RIC1: variants seen among roughly 807,000 people sequenced by gnomAD.
The protein encoded by RIC1 is RIC1 partner of RAB6A GEF complex.
In RIC1, 88 loss-of-function variants were observed where a neutral mutation model predicts 169.0. The observed-to-expected ratio is 0.52, with a 90% confidence interval of 0.44 to 0.62. The LOEUF is 0.62. RIC1 is among the 20% of genes least tolerant of loss of function. The probability of loss-of-function intolerance (pLI) is 0.00; values close to 1 mark genes in which losing one functional copy is unlikely to be tolerated. For synonymous variants in RIC1, 790 were observed against 601.5 expected (o/e 1.31, Z -4.59); for missense variants, 1,877 against 1,725.5 (o/e 1.09, Z -1.56).
chr9:5,723,665 T>C (rs1823760469), intron 6 of RIC1, among the ~76,000 whole-genome samples: 1 of 152,208 alleles, frequency 6.6e-6, no homozygotes, highest in African/African-American at 2.4e-5. Flanking sequence ...TTGTCTAGGT[T>C]TTCTTCTAGG....
chr9:5,723,078 G>A (rs1419954059), intron 6 of RIC1, among the ~76,000 whole-genome samples: 1 of 152,190 alleles, frequency 6.6e-6, no homozygotes, highest in Non-Finnish European at 1.5e-5. Flanking sequence ...ACCCAGTAAT[G>A]GGATGGCTGG....
intron 2 of RIC1, among the ~76,000 whole-genome samples, chr9:5,661,433 C>T (rs1231842402): frequency 6.6e-6 from 1 of 152,114 alleles, no homozygotes; most frequent in Non-Finnish European, 1.5e-5. Flanking sequence ...GTAGTATAAC[C>T]ATTTTCACAA....
intron 3 of RIC1, among the ~76,000 whole-genome samples, chr9:5,708,460 T>A (rs1193868322): frequency 2.0e-5 from 3 of 152,194 alleles, no homozygotes; most frequent in Admixed American, 6.5e-5. Context: ...GTAGTTCAGG[T>A]CTACTTGTGA....
chr9:5,650,591 G>A (rs917573008), intron 1 of RIC1, among the ~76,000 whole-genome samples: 6 of 152,026 alleles, frequency 3.9e-5, no homozygotes, highest in African/African-American at 1.4e-4. Flanking sequence ...GCTCCAAGCA[G>A]TGTCAGGAAC....
In RIC1 at chr9:5,753,629, T is replaced by C. The variant is rs780334068; in HGVS notation, c.1585T>C (p.Phe529Leu). 1.9e-6 allele frequency: 3 copies of C among 1,587,166 alleles called. No individual in the cohort carries two copies. The highest frequency in any genetic ancestry group is 2.2e-5 in the East Asian group (1 of 44,610). The change falls in exon 14 of 26, where the codon TTT becomes CTT. Residue 529 changes from phenylalanine (F) to leucine (L), a missense_variant. By Grantham distance (22) the Phe-to-Leu change is conservative. Transcript: ENST00000414202. ...YSLLTKKWKL[F>L]GNITQEQNMI... ...TTTACTCACCAAAAAATGGAAACTT[T>C]TTGGAAACATTACCCAGGTTAGTCT...
chr9:5,736,841 C>T (rs1420045078), intron 7 of RIC1, among the ~76,000 whole-genome samples: 1 of 152,038 alleles, frequency 6.6e-6, no homozygotes, highest in African/African-American at 2.4e-5. Context: ...AACAGAGTAT[C>T]AGTAAGCTGT....
At chr9:5,745,833 A>G (rs1825343692) in intron 10 of RIC1, 98 bp from the exon 11 acceptor site, 16 of 990,842 alleles carry the variant, frequency 1.6e-5, no homozygotes, top group South Asian at 1.3e-4. Context: ...TAATAATGCT[A>G]TCATTGGCTA....
In RIC1 at chr9:5,763,130, CCTT is replaced by C; in HGVS notation, c.2113-7_2113-5del. On this transcript the variant is annotated splice_region_variant and splice_polypyrimidine_tract_variant and intron_variant, in intron 18 of 25. Coordinates refer to ENST00000414202, the MANE Select transcript of RIC1 (RefSeq NM_020829.4). The surrounding 1 kb of genome is among the most constrained non-coding windows in gnomAD (Gnocchi z 5.2). ...GGAAAACAACTTGATTCTTGTCTCT[CCTT>C]CTCCAGCTGCCATTCTGTCCTCCTG... 4 of 1,610,242 alleles carry C rather than the reference CCTT, an allele frequency of 2.5e-6. No homozygotes were observed. The highest frequency in any genetic ancestry group is 2.2e-5 in the East Asian group (1 of 44,774).
intron 21 of RIC1, among the ~76,000 whole-genome samples, chr9:5,768,178 A>C (rs972164886): frequency 1.3e-5 from 2 of 152,166 alleles, no homozygotes; most frequent in Non-Finnish European, 2.9e-5. Flanking sequence ...CCCCCACATT[A>C]GCTCATGTAA....
chr9:5,667,571 C>G (rs1819851381), intron 2 of RIC1, among the ~76,000 whole-genome samples: 1 of 147,120 alleles, frequency 6.8e-6, no homozygotes, highest in Non-Finnish European at 1.5e-5. Context: ...GTGGCATGAT[C>G]ATAGCTCACT....
chr9:5,684,362 C>A (rs961155002), intron 2 of RIC1, among the ~76,000 whole-genome samples: 1 of 135,028 alleles, frequency 7.4e-6, no homozygotes, highest in East Asian at 2.3e-4. Flanking sequence ...TACATTGAAT[C>A]TTTGGATCCA....
chr9:5,751,266 A>G (rs776396181), intron 12 of RIC1, among the ~76,000 whole-genome samples: 2 of 151,688 alleles, frequency 1.3e-5, no homozygotes, highest in Non-Finnish European at 2.9e-5. Flanking sequence ...AAAAAGTTGA[A>G]AATGCTTTCA....
chr9:5,660,517 G>C (rs1819389822), intron 2 of RIC1, among the ~76,000 whole-genome samples: 1 of 152,100 alleles, frequency 6.6e-6, no homozygotes, highest in African/African-American at 2.4e-5. Context: ...AGCACCTGTT[G>C]TTTTTTGACT....
At chr9:5,760,851 C>G (rs906210808) in intron 17 of RIC1, among the ~76,000 whole-genome samples, 7 of 152,084 alleles carry the variant, frequency 4.6e-5, no homozygotes, top group Admixed American at 1.3e-4. Context: ...TTGATGAACC[C>G]TAAATGATCA....
chr9:5,637,173 C>G (rs1304479144), intron 1 of RIC1, among the ~76,000 whole-genome samples: 1 of 152,182 alleles, frequency 6.6e-6, no homozygotes, highest in Non-Finnish European at 1.5e-5. Context: ...AGCTGTCCTG[C>G]TTCAGCCTCC....
chr9:5,710,532 C>G (rs867634594), intron 3 of RIC1, among the ~76,000 whole-genome samples: 1 of 152,154 alleles, frequency 6.6e-6, no homozygotes, highest in African/African-American at 2.4e-5. Flanking sequence ...TGCTGAAGTC[C>G]ACCAGTTGAC....
intron 1 of RIC1, among the ~76,000 whole-genome samples, chr9:5,638,989 C>T (rs1336359134): frequency 6.6e-6 from 1 of 152,186 alleles, no homozygotes; most frequent in Non-Finnish European, 1.5e-5. Flanking sequence ...AATCTCGTCT[C>T]ACTGTAGCCT....
intron 3 of RIC1, among the ~76,000 whole-genome samples, chr9:5,702,795 A>T (rs547955867): frequency 3.7e-4 from 57 of 152,158 alleles, no homozygotes; most frequent in Non-Finnish European, 7.4e-4. Flanking sequence ...ATTCTGCCCG[A>T]CTTGGCCTCC....
intron 3 of RIC1, among the ~76,000 whole-genome samples, chr9:5,705,248 A>G (rs1472490252): frequency 7.1e-6 from 1 of 139,898 alleles, no homozygotes; most frequent in Non-Finnish European, 1.5e-5. Context: ...AATTGCATTT[A>G]ATCTATAGCT....
Sources: allele counts gnomAD v4.1 joint callset (sites outside exome capture counted in the v4.1 genomes callset), GRCh38; gene constraint gnomAD v4.1.1; non-coding constraint Gnocchi (gnomAD v3.1); transcripts MANE v1.5; gene names NCBI Gene and HGNC (gene_info 2026-07-23, HGNC 2026-07-21).